GCN1: variants seen among roughly 807,000 people sequenced by gnomAD.
GCN1 encodes the protein GCN1 activator of EIF2AK4.
A neutral mutation model predicts 288.4 loss-of-function variants in GCN1; 90 were observed. That is an observed-to-expected ratio of 0.31 (90% confidence interval 0.26 to 0.37). The LOEUF (loss-of-function observed/expected upper bound fraction) is 0.37, where lower values mean the gene tolerates loss of function less well. Ranked by LOEUF, GCN1 falls within the 10% of genes least tolerant of loss-of-function variation. The pLI is 1.00. For synonymous variants in GCN1, 1,386 were observed against 1,420.2 expected, an observed-to-expected ratio of 0.98 and a Z score of 0.54; for missense variants, 2,586 against 3,419.9, an observed-to-expected ratio of 0.76 and a Z score of 6.08.
At chr12:120,140,835 G>T in intron 45 of GCN1, 24 bp downstream of exon 45, 1 of 1,608,520 alleles carries the variant, frequency 6.2e-7, no homozygotes, top group Non-Finnish European at 8.5e-7. Flanking sequence ...TGCACAGCTG[G>T]CGGGATCCTT....
At chr12:120,180,413 G>C (rs903479746) in intron 5 of GCN1, among the ~76,000 whole-genome samples, 1 of 151,190 alleles carries the variant, frequency 6.6e-6, no homozygotes, top group Non-Finnish European at 1.5e-5. Flanking sequence ...TCAAGAGATC[G>C]AGACCATCCT....
At chr12:120,128,030 C>T (rs544838973) in intron 57 of GCN1, 56 bp from the exon 58 acceptor site, 1 of 1,590,762 alleles carries the variant, frequency 6.3e-7, no homozygotes, top group Admixed American at 1.7e-5. Flanking sequence ...CTGCCACGTT[C>T]TCCAATTGGA....
intron 39 of GCN1, 87 bp from the exon 40 acceptor site, chr12:120,145,148 G>T (rs567363436): frequency 3.5e-4 from 542 of 1,570,464 alleles, no homozygotes; most frequent in Non-Finnish European, 4.5e-4. Context: ...GGCACCGAGG[G>T]CCTCTTTCTC....
At chr12:120,184,343 G>A (rs988526831) in intron 3 of GCN1, 100 bp from the exon 4 acceptor site, 8 of 961,806 alleles carry the variant, frequency 8.3e-6, no homozygotes, top group African/African-American at 4.9e-5. Context: ...AGGAGAAACT[G>A]ATCACACCAT....
chr12:120,153,022 G>A lies in GCN1; in HGVS notation c.4062+191C>T, dbSNP rs1228261753. Among the ~76,000 whole-genome samples, 2 of 152,112 alleles carry A rather than the reference G, an allele frequency of 1.3e-5. No individual in the cohort carries two copies. Among genetic ancestry groups the A allele is most frequent in the Admixed American group, 6.6e-5 (1 of 15,260 alleles). ...AGGTCTACTAGAACAAAGTAACAAAGAAACTCCCTCTCCAGGAGTGTTCCT... is the reference window on the plus strand; with the variant it reads ...AGGTCTACTAGAACAAAGTAACAAAAAAACTCCCTCTCCAGGAGTGTTCCT... On this transcript the variant is annotated intron_variant, in intron 33 of 57. Coordinates refer to ENST00000300648, the MANE Select transcript of GCN1 (RefSeq NM_006836.2). The surrounding 1 kb of genome is among the most constrained non-coding windows in gnomAD (Gnocchi z 4.4).
At position 120,155,290 on chromosome 12, in the gene GCN1, G is replaced by A. The variant is rs758240571; in HGVS notation, c.3581C>T (p.Ala1194Val). The change falls in exon 30 of 58, where the codon GCG (alanine) becomes GTG (valine). Residue 1194 changes from alanine to valine, a missense_variant. By Grantham distance (64) the Ala-to-Val change is moderately conservative. This residue lies in a region of GCN1 where 332 missense variants were observed against 403.0 expected (regional missense o/e 0.82). Transcript: ENST00000300648. The surrounding 1 kb of genome is among the most constrained non-coding windows in gnomAD (Gnocchi z 4.9). ...CATGAGCCTGCCCATAACCTCCGCC[G>A]CCTGCCGCTGGTAACGTGCCACTGC... ...SQAVARYQRQ[A>V]AEVMGRLMEI... 1.2e-5 allele frequency: 20 copies of A among 1,613,232 alleles called. No homozygotes were observed. Among genetic ancestry groups the A allele is most frequent in the East Asian group, 2.2e-5 (1 of 44,888 alleles).
chr12:120,175,277 G>A, intron 11 of GCN1, 65 bp from the exon 12 acceptor site: 1 of 1,368,786 alleles, frequency 7.3e-7, no homozygotes, highest in Non-Finnish European at 1.0e-6. Context: ...AGTGAACAAT[G>A]CAGTCACGTG....
rs1214406511 is a variant in GCN1 at position 120,184,859 on chromosome 12, G to A, written c.150C>T (p.Leu50=). ...GCAGAGTCAAGCAGAACAATTTGCA[G>A]AGCCCCTTCACTGCTCCCTCTGGAA... is the stretch of plus-strand genomic sequence containing the variant. ...KDLPEGAVKG[L]CKLFCLTLHR... is the part of the protein sequence containing the mutation. The change falls in exon 3 of 58, where the codon CTC becomes CTT. Residue 50 remains leucine, a synonymous_variant. Transcript: ENST00000300648. The A allele has an allele frequency of 4.3e-6, 7 of 1,612,846 alleles. No homozygotes were observed. The highest frequency in any genetic ancestry group is 5.1e-6 in the Non-Finnish European group (6 of 1,179,072).
At chr12:120,192,601 G>A (rs559874636) in intron 1 of GCN1, among the ~76,000 whole-genome samples, 3 of 152,052 alleles carry the variant, frequency 2.0e-5, no homozygotes, top group East Asian at 1.9e-4. Flanking sequence ...GCGTGGTGCC[G>A]GGTGCCTGTA....
At chr12:120,131,676 T>C (rs995507824) in intron 54 of GCN1, among the ~76,000 whole-genome samples, 1 of 152,180 alleles carries the variant, frequency 6.6e-6, no homozygotes, top group African/African-American at 2.4e-5. Context: ...TGCAGGGGCG[T>C]GATCAAGGCT....
chr12:120,151,020 G>T, intron 34 of GCN1, 125 bp downstream of exon 34: 2 of 1,031,930 alleles, frequency 1.9e-6, no homozygotes, highest in Admixed American at 2.1e-5. Flanking sequence ...CGCACACAGC[G>T]GGGCCCTCTG....
intron 42 of GCN1, 140 bp from the exon 43 acceptor site, chr12:120,143,081 A>T: frequency 1.8e-6 from 1 of 550,706 alleles, no homozygotes; most frequent in Non-Finnish European, 3.3e-6. Context: ...CAGGTGGTTT[A>T]CATTTCTTTA....
intron 51 of GCN1, among the ~76,000 whole-genome samples, chr12:120,135,367 TTTTG>T (rs1876965189): frequency 6.6e-6 from 1 of 152,002 alleles, no homozygotes. Flanking sequence ...CTGTTTTTTG[TTTTG>T]TTTTTTTTTT....
chr12:120,167,280 G>C (rs1025929288), intron 16 of GCN1, among the ~76,000 whole-genome samples: 1 of 150,422 alleles, frequency 6.6e-6, no homozygotes, highest in Non-Finnish European at 1.5e-5. Context: ...TTGAACCCAG[G>C]GGGAGAGGTT....
In GCN1 at chr12:120,173,706, G is replaced by C. The variant is rs551410203; in HGVS notation, c.1313C>G (p.Ser438Cys). The C allele has an allele frequency of 6.2e-7, 1 of 1,613,272 alleles. No individual in the cohort carries two copies. The highest frequency in any genetic ancestry group is 1.3e-5 in the African/African-American group (1 of 75,036). Residue 438 changes from serine (S) to cysteine (C), a missense_variant, in exon 14 of 58, where the codon TCC (serine) becomes TGC (cysteine). By Grantham distance (112) the Ser-to-Cys change is moderately radical. This residue lies in a region of GCN1 where 913 missense variants were observed against 1,107.0 expected (regional missense o/e 0.82). Transcript: ENST00000300648. ...GTAGGCATGCCTCACCGCAGATGTG[G>C]AGGTTTTAAGGCTGAAAGCTTTTTT... ...WFKKAFSLKT[S>C]TSAVRHAYLQ...
At position 120,184,234 on chromosome 12, in the gene GCN1, G is replaced by A. The variant is rs1377705352; in HGVS notation, c.195C>T (p.Ala65=). 1 of 1,613,128 alleles carries A rather than the reference G, an allele frequency of 6.2e-7. No homozygotes were observed. Among genetic ancestry groups the A allele is most frequent in the Admixed American group, 1.7e-5 (1 of 59,908 alleles). ...TGGCTGCCTGCAAGGCCCTGCGGGAGGCTGCATCTCTAGGGGGAGAGGCAA... is the reference window on the plus strand; with the variant it reads ...TGGCTGCCTGCAAGGCCCTGCGGGAAGCTGCATCTCTAGGGGGAGAGGCAA... ...CLTLHRYRDA[A]SRRALQAAIQ... Residue 65 remains alanine (A), a synonymous_variant, in exon 4 of 58, where the codon GCC becomes GCT. Coordinates refer to ENST00000300648, the MANE Select transcript of GCN1 (RefSeq NM_006836.2).
chr12:120,143,290 A>G (rs1005647433), intron 42 of GCN1, among the ~76,000 whole-genome samples: 1 of 152,236 alleles, frequency 6.6e-6, no homozygotes, highest in Non-Finnish European at 1.5e-5. Flanking sequence ...CTTAAAGGAT[A>G]AACTATTTCA....
chr12:120,149,847 A>G, intron 35 of GCN1, 75 bp downstream of exon 35: 1 of 1,590,132 alleles, frequency 6.3e-7, no homozygotes, highest in South Asian at 1.1e-5. Flanking sequence ...ACCCTGTGCC[A>G]AGGCCTGCAG....
chr12:120,142,802 G>A lies in GCN1; in HGVS notation c.5613+22C>T, dbSNP rs182556738. On this transcript the variant is annotated intron_variant, in intron 43 of 57. Transcript: ENST00000300648. The surrounding 1 kb of genome is among the most constrained non-coding windows in gnomAD (Gnocchi z 4.9). ...AGGGCACACCCTACCATCAGCAGGG[G>A]CAGGAAAGCCACTGCAGGCACCTTG... 3,252 of 1,596,748 alleles carry A rather than the reference G, an allele frequency of 2.0e-3. 123 individuals carry two copies. In the Admixed American group the frequency reaches 0.052, roughly 26 times the overall value.
Sources: gnomAD v4.1 joint callset for allele counts (sites outside exome capture counted in the v4.1 genomes callset) on GRCh38, gnomAD v4.1.1 for gene constraint, gnomAD v4.1.1 regional missense constraint, Gnocchi (gnomAD v3.1) non-coding constraint, MANE v1.5 for transcripts, NCBI Gene and HGNC (gene_info 2026-07-23, HGNC 2026-07-21) for gene names.